Variants in LAMA3 observed in about 807,000 individuals in gnomAD.
LAMA3 encodes laminin subunit alpha-3.
LAMA3 carries 281 observed loss-of-function variants against 402.0 expected under a neutral mutation model. The ratio of observed to expected loss-of-function variants is 0.70; its 90% CI spans 0.63 to 0.77. The LOEUF is 0.77. Ranked by LOEUF, LAMA3 falls within the 30% of genes least tolerant of loss-of-function variation. The probability of loss-of-function intolerance (pLI) is 0.00; values close to 1 mark genes in which losing one functional copy is unlikely to be tolerated. For missense variants in LAMA3, 3,840 were observed against 4,215.5 expected, an observed-to-expected ratio of 0.91 and a Z score of 2.47; for synonymous variants, 1,431 against 1,558.4, an observed-to-expected ratio of 0.92 and a Z score of 1.93.
At chr18:23,775,946 G>A in intron 10 of LAMA3, 23 bp downstream of exon 10, 1 of 1,614,058 alleles carries the variant, frequency 6.2e-7, no homozygotes, top group Non-Finnish European at 8.5e-7. Context: ...TGCAGAACAA[G>A]AGGCCACCCT....
At chr18:23,736,127 C>A (rs558342271) in intron 2 of LAMA3, among the ~76,000 whole-genome samples, 1 of 151,962 alleles carries the variant, frequency 6.6e-6, no homozygotes, top group South Asian at 2.1e-4. Flanking sequence ...AATCTCAAAG[C>A]TTAATTTCTT....
rs1568315293 is a variant in LAMA3 at position 23,898,839 on chromosome 18, G to A, written c.5715G>A (p.Leu1905=). 4 of 1,601,570 alleles carry A rather than the reference G, an allele frequency of 2.5e-6. No individual in the cohort carries two copies. Among genetic ancestry groups the A allele is most frequent in the Non-Finnish European group, 3.4e-6 (4 of 1,168,708 alleles). ...LTDLNQEFET[L]QEKAQVNSRK... Reference sequence around the variant, plus strand: ...ATTTGAATCAAGAATTTGAGACTTTGCAAGAAAAGGTAATGTGTTAGGTCC... The same window carrying A: ...ATTTGAATCAAGAATTTGAGACTTTACAAGAAAAGGTAATGTGTTAGGTCC... Residue 1905 remains leucine, a synonymous_variant, in exon 45 of 75, where the codon TTG becomes TTA. Transcript: ENST00000313654.
chr18:23,787,575 G>A (rs1006624137), intron 12 of LAMA3, among the ~76,000 whole-genome samples: 1 of 151,398 alleles, frequency 6.6e-6, no homozygotes, highest in Admixed American at 6.6e-5. Context: ...TTGAAAGCAG[G>A]AAAAAAAAGA....
chr18:23,793,166 AC>A (rs773026721), intron 12 of LAMA3, among the ~76,000 whole-genome samples: 25 of 151,890 alleles, frequency 1.6e-4, no homozygotes, highest in Non-Finnish European at 3.5e-4. Context: ...CATAGGGGCT[AC>A]CCCTAGTTGT....
intron 62 of LAMA3, among the ~76,000 whole-genome samples, chr18:23,922,606 G>A (rs554439982): frequency 6.6e-6 from 1 of 152,206 alleles, no homozygotes; most frequent in Non-Finnish European, 1.5e-5. Context: ...GCAGATCATG[G>A]TATGTAGCCC....
chr18:23,692,071 G>A (rs190004838), intron 1 of LAMA3, among the ~76,000 whole-genome samples: 2 of 152,232 alleles, frequency 1.3e-5, no homozygotes, highest in East Asian at 3.9e-4. Context: ...AGTAAGCGAG[G>A]GGCCCTTCGA....
intron 27 of LAMA3, among the ~76,000 whole-genome samples, chr18:23,840,598 G>A (rs922401812): frequency 7.9e-5 from 12 of 151,810 alleles, no homozygotes; most frequent in Non-Finnish European, 1.8e-4. Context: ...TGTTGCCCAG[G>A]TTGGTCTCGA....
chr18:23,826,993 G>A (rs1165800649), intron 22 of LAMA3, among the ~76,000 whole-genome samples, 194 bp downstream of exon 22: 2 of 152,184 alleles, frequency 1.3e-5, no homozygotes, highest in African/African-American at 4.8e-5. Context: ...ACCATAGCTG[G>A]CTTAGGAGTG....
At chr18:23,801,855 A>G (rs1363018306) in intron 12 of LAMA3, among the ~76,000 whole-genome samples, 2 of 152,162 alleles carry the variant, frequency 1.3e-5, no homozygotes, top group East Asian at 3.9e-4. Context: ...AGAAATGTCT[A>G]TTTATATCCT....
At chr18:23,760,632 A>AT (rs2143706371) in intron 7 of LAMA3, among the ~76,000 whole-genome samples, 1 of 152,306 alleles carries the variant, frequency 6.6e-6, no homozygotes, top group South Asian at 2.1e-4. Flanking sequence ...ATACTTTGTA[A>AT]TTTTAGAAGT....
chr18:23,873,302 T>A, intron 38 of LAMA3: 2 of 1,183,640 alleles, frequency 1.7e-6, no homozygotes, highest in Non-Finnish European at 2.5e-6. Context: ...GATTAATGAG[T>A]AAATGGGTGG....
chr18:23,813,501 C>T (rs2063114250), intron 14 of LAMA3, among the ~76,000 whole-genome samples: 1 of 150,394 alleles, frequency 6.6e-6, no homozygotes, highest in African/African-American at 2.4e-5. Context: ...TTATTCCAAG[C>T]ACAATACCAT....
chr18:23,744,535 G>A (rs989792882), intron 2 of LAMA3, among the ~76,000 whole-genome samples: 3 of 151,976 alleles, frequency 2.0e-5, no homozygotes, highest in African/African-American at 7.3e-5. Flanking sequence ...GTGTCATAAT[G>A]CTTCAAAAGA....
intron 12 of LAMA3, among the ~76,000 whole-genome samples, chr18:23,803,548 G>A (rs1312779955): frequency 1.3e-5 from 2 of 152,178 alleles, no homozygotes; most frequent in African/African-American, 4.8e-5. Context: ...CCCTTCCCCA[G>A]ATCTTCCTGT....
intron 44 of LAMA3, among the ~76,000 whole-genome samples, chr18:23,896,011 C>T (rs2080862902): frequency 6.6e-6 from 1 of 152,088 alleles, no homozygotes; most frequent in Non-Finnish European, 1.5e-5. Flanking sequence ...TCTGATTTTC[C>T]TTGTGACGTA....
chr18:23,798,956 G>A (rs1168228201), intron 12 of LAMA3, among the ~76,000 whole-genome samples: 1 of 152,232 alleles, frequency 6.6e-6, no homozygotes, highest in South Asian at 2.1e-4. Flanking sequence ...TCATGGCAAT[G>A]TCTGTCTGAT....
At chr18:23,775,251 A>C (rs1269706762) in intron 9 of LAMA3, among the ~76,000 whole-genome samples, 3 of 152,228 alleles carry the variant, frequency 2.0e-5, no homozygotes, top group Non-Finnish European at 4.4e-5. Flanking sequence ...CGTGCCCGAT[A>C]ATCGTTTTTG....
chr18:23,806,503 C>G (rs2062965070), intron 12 of LAMA3, among the ~76,000 whole-genome samples: 1 of 152,080 alleles, frequency 6.6e-6, no homozygotes, highest in African/African-American at 2.4e-5. Flanking sequence ...GAGGCCATTA[C>G]AGTTTTCTCG....
chr18:23,746,523 A>G (rs1052850721), intron 2 of LAMA3, among the ~76,000 whole-genome samples: 1 of 152,230 alleles, frequency 6.6e-6, no homozygotes, highest in Non-Finnish European at 1.5e-5. Context: ...GCTTTCTCCT[A>G]TTAAGCCCCA....
Sources: gnomAD v4.1 joint callset for allele counts (sites outside exome capture counted in the v4.1 genomes callset) on GRCh38, gnomAD v4.1.1 for gene constraint, MANE v1.5 for transcripts, NCBI Gene and HGNC (gene_info 2026-07-23, HGNC 2026-07-21) for gene names.